Variants in ZFP30 observed in about 807,000 individuals in gnomAD.
ZFP30 encodes the protein ZFP30 zinc finger protein.
Under a neutral mutation model 12.3 loss-of-function variants are expected in ZFP30, and 16 were observed. The observed-to-expected ratio is 1.30, with a 90% CI of 0.88 to 1.98. The LOEUF (loss-of-function observed/expected upper bound fraction) is 1.98, where lower values mean the gene tolerates loss of function less well. Ranked by LOEUF, ZFP30 falls within the 30% of genes most tolerant of loss-of-function variation. The pLI, the probability that ZFP30 is intolerant of heterozygous loss-of-function variation, is 0.00. For synonymous variants in ZFP30, 172 were observed against 201.0 expected (o/e 0.86, Z 1.22); for missense variants, 560 against 611.2 (o/e 0.92, Z 0.88).
chr19:37,641,851 T>C (rs1477321500), intron 5 of ZFP30, among the ~76,000 whole-genome samples: 1 of 152,256 alleles, frequency 6.6e-6, no homozygotes, highest in Non-Finnish European at 1.5e-5. Flanking sequence ...TTTATTTCCC[T>C]TGTAATTTAT....
rs2044234762 is a variant in ZFP30, at chr19:37,631,670, CATAG to C, written c.*3307_*3310del. 1.1e-5 allele frequency: 1 copy of C among 91,284 alleles called. No homozygotes were observed. The allele number at this position is 91,284 out of a possible 1,614,324, so 5.7% of individuals were successfully genotyped here. On this transcript the variant is annotated 3_prime_UTR_variant, in exon 6 of 6. Transcript: ENST00000684514. ...CATAAAATTCATTCCATTCTTAATACATAGAAAGCTAAAAAAAAAAAAAAAAAAA... is the reference window on the plus strand; with the variant it reads ...CATAAAATTCATTCCATTCTTAATACAAAGCTAAAAAAAAAAAAAAAAAAA...
chr19:37,647,334 G>C (rs1014294500), intron 3 of ZFP30, among the ~76,000 whole-genome samples: 1 of 152,324 alleles, frequency 6.6e-6, no homozygotes, highest in Admixed American at 6.5e-5. Flanking sequence ...CCCATGTGTT[G>C]TGGGAGGGAG....
chr19:37,652,294 C>T (rs772739308), intron 2 of ZFP30, among the ~76,000 whole-genome samples: 3 of 152,136 alleles, frequency 2.0e-5, no homozygotes, highest in Non-Finnish European at 4.4e-5. Flanking sequence ...CAGCCGGGTA[C>T]GGTGGCTCAC....
chr19:37,640,238 T>C (rs1159138604), intron 5 of ZFP30, among the ~76,000 whole-genome samples: 3 of 152,118 alleles, frequency 2.0e-5, no homozygotes, highest in African/African-American at 4.8e-5. Context: ...GAATAGCCTA[T>C]GTTTCATAAG....
At position 37,635,816 on chromosome 19, in the gene ZFP30, T is replaced by C; in HGVS notation, c.725A>G (p.Tyr242Cys). 1 of 1,614,234 alleles carries C rather than the reference T, an allele frequency of 6.2e-7. No individual in the cohort carries two copies. Among genetic ancestry groups the C allele is most frequent in the Non-Finnish European group, 8.5e-7 (1 of 1,180,052 alleles). The change falls in exon 6 of 6, where the codon TAT (tyrosine) becomes TGT (cysteine). Residue 242 changes from tyrosine (Y) to cysteine (C), a missense_variant. Coordinates refer to ENST00000684514, the MANE Select transcript of ZFP30 (RefSeq NM_001320669.3). ...GGCTTTCCCACATTCTTTACATTCA[T>C]ACGGCTTCTCACCAATATGAATTCT... ...HQRIHIGEKPYECKECGKAFR... is the reference protein window; with the variant it reads ...HQRIHIGEKPCECKECGKAFR...
At chr19:37,648,975 T>G (rs532350104) in intron 2 of ZFP30, among the ~76,000 whole-genome samples, 2 of 152,302 alleles carry the variant, frequency 1.3e-5, no homozygotes, top group East Asian at 3.9e-4. Context: ...CAGTGGCTCA[T>G]GCCTGTAGTC....
At chr19:37,641,329 G>GCAAC (rs2044430707) in intron 5 of ZFP30, among the ~76,000 whole-genome samples, 1 of 152,112 alleles carries the variant, frequency 6.6e-6, no homozygotes, top group Non-Finnish European at 1.5e-5. Context: ...GTACTCTTAT[G>GCAAC]TATCTGCTTC....
chr19:37,645,340 A>G (rs1208950183), intron 3 of ZFP30, among the ~76,000 whole-genome samples: 1 of 152,184 alleles, frequency 6.6e-6, no homozygotes, highest in African/African-American at 2.4e-5. Context: ...TGTGAGTGTG[A>G]CTGAAGCAGA....
chr19:37,647,963 C>G lies in ZFP30; in HGVS notation c.-77-64G>C, dbSNP rs574880013. On this transcript the variant is annotated intron_variant, in intron 2 of 5. Transcript: ENST00000684514. Reference sequence around the variant, plus strand: ...CCTCAGAGTTTCCAAATTTTAAAAACTGGTACTACTTCTCCATTCCTATAT... The same window carrying G: ...CCTCAGAGTTTCCAAATTTTAAAAAGTGGTACTACTTCTCCATTCCTATAT... The G allele has an allele frequency of 2.4e-5, 21 of 875,008 alleles. 2 individuals carry two copies. The South Asian group carries it at 3.4e-4, about 14-fold the overall frequency. The allele number at this position is 875,008 out of a possible 1,614,324, so 54.2% of individuals were successfully genotyped here. A position where few individuals can be genotyped will look rare whatever the true frequency, so the allele number is the denominator to read the frequency against.
chr19:37,641,025 C>A (rs1038917756), intron 5 of ZFP30, among the ~76,000 whole-genome samples: 2 of 152,192 alleles, frequency 1.3e-5, no homozygotes, highest in Non-Finnish European at 2.9e-5. Flanking sequence ...CAATGAAATA[C>A]TGAATAATCC....
intron 2 of ZFP30, among the ~76,000 whole-genome samples, chr19:37,653,535 C>A (rs1283529810): frequency 6.6e-6 from 1 of 152,200 alleles, no homozygotes; most frequent in Non-Finnish European, 1.5e-5. Context: ...AACAATACTT[C>A]TCAATATTAC....
chr19:37,644,740 A>G lies in ZFP30; in HGVS notation c.10-4T>C, dbSNP rs746882303. 2 of 1,604,382 alleles carry G rather than the reference A, an allele frequency of 1.2e-6. No homozygotes were observed. The highest frequency in any genetic ancestry group is 2.3e-5 in the South Asian group (2 of 88,864). ...CATCTCTGAACATCACCAAATCCTG[A>G]AATGATAAACGCATGTATTATTTGT... On this transcript the variant is annotated splice_region_variant and splice_polypyrimidine_tract_variant and intron_variant, in intron 3 of 5. Coordinates refer to ENST00000684514, the MANE Select transcript of ZFP30 (RefSeq NM_001320669.3).
intron 2 of ZFP30, 26 bp from the exon 3 acceptor site, chr19:37,647,925 G>C: frequency 1.4e-6 from 2 of 1,410,210 alleles, no homozygotes; most frequent in South Asian, 2.4e-5. Context: ...GTAAAATCAT[G>C]AGAAGAGAAC....
At chr19:37,637,203 C>CTTTTTTTTTTTTTTTTTTT (rs1002235029) in intron 5 of ZFP30, among the ~76,000 whole-genome samples, 1 of 131,836 alleles carries the variant, frequency 7.6e-6, no homozygotes, top group Non-Finnish European at 1.6e-5. Context: ...TTCTTTTTTT[C>CTTTTTTTTTTTTTTTTTTT]TTTTTTTTTT....
intron 3 of ZFP30, among the ~76,000 whole-genome samples, chr19:37,645,622 A>C (rs912449787): frequency 6.6e-6 from 1 of 150,860 alleles, no homozygotes; most frequent in African/African-American, 2.4e-5. Context: ...AATTTTATTT[A>C]TTTCCAGACA....
chr19:37,649,457 T>G (rs568382933), intron 2 of ZFP30, among the ~76,000 whole-genome samples: 1 of 152,176 alleles, frequency 6.6e-6, no homozygotes, highest in Non-Finnish European at 1.5e-5. Context: ...ATAGAGTGTT[T>G]AAAATGGGAC....
intron 2 of ZFP30, among the ~76,000 whole-genome samples, chr19:37,654,111 C>T (rs1052163463): frequency 3.3e-5 from 5 of 152,138 alleles, no homozygotes; most frequent in Non-Finnish European, 5.9e-5. Flanking sequence ...AAAACAACAC[C>T]GTAAAGTATA....
chr19:37,644,658 A>G lies in ZFP30; in HGVS notation c.88T>C (p.Leu30=), dbSNP rs2044504380. The change falls in exon 4 of 6, where the codon TTG becomes CTG. Residue 30 remains leucine, a synonymous_variant. Coordinates refer to ENST00000684514, the MANE Select transcript of ZFP30 (RefSeq NM_001320669.3). ...WECLNSYQRN[L]YRDVILENYS... is the part of the protein sequence containing the mutation. ...TTCTCTAATATCACATCTCTGTACA[A>G]ATTCCTCTGATATGAGTTCAGGCAT... The G allele has an allele frequency of 1.9e-6, 3 of 1,613,092 alleles. No individual in the cohort carries two copies. In the African/African-American group the frequency reaches 4.0e-5, roughly 22 times the overall value.
At position 37,634,760 on chromosome 19, in the gene ZFP30, T is replaced by C. The variant is rs1011596938; in HGVS notation, c.*221A>G. ...AGCTTTTCCACATTCAGTCCTGTAA[T>C]AAAGTTCTTTTCTAGGATGAATTTC... On this transcript the variant is annotated 3_prime_UTR_variant, in exon 6 of 6. Coordinates refer to ENST00000684514, the MANE Select transcript of ZFP30 (RefSeq NM_001320669.3). 1 of 463,716 alleles carries C rather than the reference T, an allele frequency of 2.2e-6. No homozygotes were observed. The highest frequency in any genetic ancestry group is 2.0e-5 in the African/African-American group (1 of 49,572). The allele number at this position is 463,716 out of a possible 1,614,324, so 28.7% of individuals were successfully genotyped here.
Sources: allele counts gnomAD v4.1 joint callset (sites outside exome capture counted in the v4.1 genomes callset), GRCh38; gene constraint gnomAD v4.1.1; transcripts MANE v1.5; gene names NCBI Gene and HGNC (gene_info 2026-07-23, HGNC 2026-07-21).